The following OTUD4 variants were observed in gnomAD, a reference collection of about 807,000 sequenced individuals.
OTUD4 encodes OTU domain-containing protein 4.
Under a neutral mutation model 130.4 loss-of-function variants are expected in OTUD4, and 24 were observed. The observed-to-expected ratio is 0.18, with a 90% CI of 0.13 to 0.26. OTUD4 has a LOEUF of 0.26. OTUD4 is among the 10% of genes least tolerant of loss of function. The pLI is 1.00. For missense variants in OTUD4, 1,031 were observed against 1,329.4 expected, an observed-to-expected ratio of 0.78 and a Z score of 3.49; for synonymous variants, 420 against 472.5, an observed-to-expected ratio of 0.89 and a Z score of 1.44.
At chr4:145,166,511 A>G (rs1751884029) in intron 3 of OTUD4, among the ~76,000 whole-genome samples, 3 of 152,172 alleles carry the variant, frequency 2.0e-5, no homozygotes, top group African/African-American at 7.2e-5. Flanking sequence ...TTAAAAAAAA[A>G]AAAAAGTCCC....
chr4:145,163,135 A>G (rs1161609582), intron 5 of OTUD4, among the ~76,000 whole-genome samples: 1 of 152,264 alleles, frequency 6.6e-6, no homozygotes, highest in East Asian at 1.9e-4. Context: ...ACTTATACAA[A>G]GAAAAATGCA....
chr4:145,137,045 T>TA lies in OTUD4; in HGVS notation c.*384dup, dbSNP rs373480511. 2.7e-3 allele frequency: 442 copies of TA among 163,858 alleles called. 4 individuals carry two copies. The highest frequency in any genetic ancestry group is 9.6e-3 in the African/African-American group (402 of 41,806). The allele number at this position is 163,858 out of a possible 1,614,324, so 10.2% of individuals were successfully genotyped here. On this transcript the variant is annotated 3_prime_UTR_variant, in exon 21 of 21. Transcript: ENST00000447906. ...CAAATGGTATATTTTCTTGTCACTTTAGTAAACACTATAAAGCACACATTT... is the reference window on the plus strand; with the variant it reads ...CAAATGGTATATTTTCTTGTCACTTTAAGTAAACACTATAAAGCACACATTT...
In OTUD4 at chr4:145,138,385, G is replaced by A. The variant is rs1750389669; in HGVS notation, c.2390C>T (p.Pro797Leu). The A allele has an allele frequency of 6.2e-7, 1 of 1,614,060 alleles. No homozygotes were observed. Among genetic ancestry groups the A allele is most frequent in the African/African-American group, 1.3e-5 (1 of 74,938 alleles). ...PPTFSSPLVI[P>L]PSQVSESHGQ... is the part of the protein sequence containing the mutation. ...ATGACTTTCAGACACCTGAGATGGA[G>A]GGATAACCAGAGGTGAAGAAAATGT... is the stretch of plus-strand genomic sequence containing the variant. The change falls in exon 21 of 21, where the codon CCT (proline) becomes CTT (leucine). Residue 797 changes from proline (P) to leucine (L), a missense_variant. Around this residue, in one of 3 missense-constraint regions of OTUD4, gnomAD observed 900 missense variants for 1,095.9 expected, o/e 0.82. Transcript: ENST00000447906.
At chr4:145,168,674 T>C (rs553239650) in intron 3 of OTUD4, among the ~76,000 whole-genome samples, 2 of 152,286 alleles carry the variant, frequency 1.3e-5, no homozygotes, top group African/African-American at 4.8e-5. Context: ...CTGGCAAATA[T>C]GTGGAGAAAC....
In OTUD4 at chr4:145,151,552, T is replaced by C. The variant is rs542261771; in HGVS notation, c.969-647A>G. On this transcript the variant is annotated intron_variant, in intron 11 of 20. Coordinates refer to ENST00000447906, the MANE Select transcript of OTUD4 (RefSeq NM_001366057.1). ...GGGGAGGCTGAGGCAGGAGAATCAC[T>C]TGAACCCGGGAAGCGGAGGTTGCAG... 1.2e-3 allele frequency among the ~76,000 whole-genome samples: 183 copies of C among 152,214 alleles called. 1 individual carries two copies. The highest frequency in any genetic ancestry group is 4.0e-3 in the African/African-American group (168 of 41,534).
chr4:145,170,114 T>C (rs1752082587), intron 3 of OTUD4, among the ~76,000 whole-genome samples: 1 of 152,260 alleles, frequency 6.6e-6, no homozygotes, highest in African/African-American at 2.4e-5. Context: ...TCCCAATGCC[T>C]GATGCCTAGG....
intron 3 of OTUD4, among the ~76,000 whole-genome samples, chr4:145,168,535 A>G (rs910548757): frequency 1.3e-5 from 2 of 152,140 alleles, no homozygotes; most frequent in African/African-American, 2.4e-5. Context: ...AGTAAGAACA[A>G]CAGCAATTAA....
At chr4:145,142,138 G>A in intron 18 of OTUD4, 58 bp downstream of exon 18, 1 of 1,487,874 alleles carries the variant, frequency 6.7e-7, no homozygotes, top group Non-Finnish European at 9.2e-7. Context: ...TCAAGAATTT[G>A]AAGTCTCTGA....
rs1003316938 is a variant in OTUD4 at position 145,174,798 on chromosome 4, C to T, written c.160-54G>A. 2.0e-5 allele frequency: 19 copies of T among 943,052 alleles called. No homozygotes were observed. In the African/African-American group the frequency reaches 2.3e-4, roughly 11 times the overall value. 58.4% of individuals were successfully genotyped at this position (943,052 alleles called of 1,614,324 possible). On this transcript the variant is annotated intron_variant, in intron 1 of 20. Transcript: ENST00000447906. The stretch of plus-strand genomic sequence containing the variant: ...TTAAGCATTTAGTTAAAAGTTACAA[C>T]CTAATGTCTTCTTTTACACCCAAAA...
chr4:145,150,138 A>G (rs959359714), intron 13 of OTUD4, among the ~76,000 whole-genome samples: 1 of 152,240 alleles, frequency 6.6e-6, no homozygotes, highest in African/African-American at 2.4e-5. Context: ...GGCTGTTTTA[A>G]GTTCTTGTAC....
At chr4:145,144,625 A>G (rs2126748254) in intron 14 of OTUD4, among the ~76,000 whole-genome samples, 191 bp from the exon 15 acceptor site, 1 of 152,340 alleles carries the variant, frequency 6.6e-6, no homozygotes, top group South Asian at 2.1e-4. Flanking sequence ...TAATAGTCTT[A>G]TCGCTAAGTT....
At chr4:145,169,597 G>A (rs1292209484) in intron 3 of OTUD4, among the ~76,000 whole-genome samples, 4 of 152,174 alleles carry the variant, frequency 2.6e-5, no homozygotes, top group African/African-American at 9.6e-5. Context: ...CGATTCTCCT[G>A]CCTTGGCCTC....
intron 7 of OTUD4, among the ~76,000 whole-genome samples, chr4:145,157,616 G>A (rs908986503): frequency 2.7e-5 from 4 of 150,600 alleles, no homozygotes; most frequent in African/African-American, 4.9e-5. Context: ...CCCGCGAGGC[G>A]GAGGTTGCAG....
Position 145,133,722 on chromosome 4 carries a change from T to C in OTUD4, c.*3708A>G, listed in dbSNP as rs984305391. On this transcript the variant is annotated 3_prime_UTR_variant, in exon 21 of 21. Coordinates refer to ENST00000447906, the MANE Select transcript of OTUD4 (RefSeq NM_001366057.1). Reference sequence around the variant, plus strand: ...GCATCACACCATGTAGGGCATTTACTCTTATTTTATACATTCAGATATGTT... The same window carrying C: ...GCATCACACCATGTAGGGCATTTACCCTTATTTTATACATTCAGATATGTT... The C allele has an allele frequency of 6.6e-6, 1 of 152,626 alleles. No individual in the cohort carries two copies. Among genetic ancestry groups the C allele is most frequent in the Non-Finnish European group, 1.5e-5 (1 of 68,024 alleles). The allele number at this position is 152,626 out of a possible 1,614,324, so 9.5% of individuals were successfully genotyped here. A position where few individuals can be genotyped will look rare whatever the true frequency, so the allele number is the denominator to read the frequency against.
chr4:145,179,689 A>T, intron 1 of OTUD4, 126 bp downstream of exon 1: 1 of 1,406,684 alleles, frequency 7.1e-7, no homozygotes, highest in South Asian at 1.6e-5. Flanking sequence ...GGGCGCTGTG[A>T]CGACAGCCAG....
chr4:145,140,578 TTAAAAA>T (rs1193705393), intron 19 of OTUD4, among the ~76,000 whole-genome samples: 3 of 152,140 alleles, frequency 2.0e-5, no homozygotes, highest in African/African-American at 4.8e-5. Flanking sequence ...TGTAAATTCC[TTAAAAA>T]TAAAGAGGGA....
At position 145,142,290 on chromosome 4, in the gene OTUD4, T is replaced by G. The variant is rs746301791; in HGVS notation, c.1728A>C (p.Leu576=). 6.2e-7 allele frequency: 1 copy of G among 1,613,840 alleles called. No homozygotes were observed. Among genetic ancestry groups the G allele is most frequent in the South Asian group, 1.1e-5 (1 of 91,082 alleles). The change falls in exon 18 of 21, where the codon CTA becomes CTC. Residue 576 remains leucine (L), a synonymous_variant. Coordinates refer to ENST00000447906, the MANE Select transcript of OTUD4 (RefSeq NM_001366057.1). ...HVSLSNPAPL[L]VSPEVHLTPA... ...GAGTTAGATGTACCTCTGGAGAAAC[T>G]AGAAGGGGAGCTGGATTTGACAAAG... is the stretch of plus-strand genomic sequence containing the variant.
intron 17 of OTUD4, among the ~76,000 whole-genome samples, chr4:145,142,999 T>G (rs1273985889): frequency 6.6e-6 from 1 of 152,220 alleles, no homozygotes; most frequent in African/African-American, 2.4e-5. Flanking sequence ...AGATAACTCT[T>G]TTAAATTTTG....
In OTUD4 at chr4:145,143,361, T is replaced by C. The variant is rs1560979118; in HGVS notation, c.1683+4A>G. On this transcript the variant is annotated splice_donor_region_variant and intron_variant, in intron 17 of 20. Coordinates refer to ENST00000447906, the MANE Select transcript of OTUD4 (RefSeq NM_001366057.1). ...TTCAATGTTAAATGCAACAATATACTTACTTGTTCCGCAGGAGAAGGGCAC... is the reference window on the plus strand; with the variant it reads ...TTCAATGTTAAATGCAACAATATACCTACTTGTTCCGCAGGAGAAGGGCAC... 1.9e-6 allele frequency: 3 copies of C among 1,576,098 alleles called. No individual in the cohort carries two copies. The highest frequency in any genetic ancestry group is 2.6e-6 in the Non-Finnish European group (3 of 1,145,880).
Sources: gnomAD v4.1 joint callset for allele counts (sites outside exome capture counted in the v4.1 genomes callset) on GRCh38, gnomAD v4.1.1 for gene constraint, gnomAD v4.1.1 regional missense constraint, MANE v1.5 for transcripts, NCBI Gene and HGNC (gene_info 2026-07-23, HGNC 2026-07-21) for gene names.